SORCS3: variants seen among roughly 807,000 people sequenced by gnomAD.
The protein encoded by SORCS3 is sortilin related VPS10 domain containing receptor 3, also known as VPS10 domain-containing receptor SorCS3.
SORCS3 carries 57 observed loss-of-function variants against 146.3 expected under a neutral mutation model. That is an observed-to-expected ratio of 0.39 (90% CI 0.31 to 0.49). SORCS3 has a LOEUF of 0.49. Among genes scored for constraint, SORCS3 ranks in the 20% least tolerant of loss-of-function variants. The pLI, the probability that SORCS3 is intolerant of heterozygous loss-of-function variation, is 0.92. For synonymous variants in SORCS3, 653 were observed against 618.5 expected (o/e 1.06, Z -0.83); for missense variants, 1,341 against 1,575.5 (o/e 0.85, Z 2.52).
intron 1 of SORCS3, among the ~76,000 whole-genome samples, chr10:104,840,451 A>G: frequency 6.6e-6 from 1 of 152,062 alleles, no homozygotes; most frequent in East Asian, 1.9e-4. Flanking sequence ...CCACCACAGC[A>G]CCTATCAGTC....
chr10:104,873,572 A>G (rs2133569598), intron 2 of SORCS3, among the ~76,000 whole-genome samples: 1 of 152,322 alleles, frequency 6.6e-6, no homozygotes, highest in African/African-American at 2.4e-5. Flanking sequence ...GGGGCAGAGC[A>G]CCAGCATTCT....
chr10:104,832,218 C>T (rs1237961849), intron 1 of SORCS3, among the ~76,000 whole-genome samples: 2 of 152,148 alleles, frequency 1.3e-5, no homozygotes, highest in Non-Finnish European at 2.9e-5. Context: ...ACAATAGGGG[C>T]ACTTGAAATT....
intron 1 of SORCS3, among the ~76,000 whole-genome samples, chr10:104,667,149 C>T (rs1397673600): frequency 6.6e-6 from 1 of 152,138 alleles, no homozygotes. Context: ...ATAGGAACTA[C>T]TTATGTTTGT....
At chr10:105,089,952 C>T in intron 6 of SORCS3, 113 bp downstream of exon 6, 2 of 768,228 alleles carry the variant, frequency 2.6e-6, no homozygotes, top group East Asian at 2.7e-5. Context: ...AGCTCCATTA[C>T]AGCCACATCC....
At chr10:104,934,386 C>T (rs1441861667) in intron 3 of SORCS3, among the ~76,000 whole-genome samples, 1 of 152,142 alleles carries the variant, frequency 6.6e-6, no homozygotes, top group African/African-American at 2.4e-5. Flanking sequence ...GCTTTATGGA[C>T]TGCAAAGGTA....
At chr10:104,684,422 C>T (rs1035506547) in intron 1 of SORCS3, among the ~76,000 whole-genome samples, 2 of 152,218 alleles carry the variant, frequency 1.3e-5, no homozygotes, top group African/African-American at 4.8e-5. Flanking sequence ...CCCATTCATT[C>T]ATTCAGTTAA....
At chr10:104,801,608 C>A (rs1397731311) in intron 1 of SORCS3, among the ~76,000 whole-genome samples, 1 of 152,120 alleles carries the variant, frequency 6.6e-6, no homozygotes, top group Non-Finnish European at 1.5e-5. Context: ...TGATGCATTG[C>A]GGTTCAGTGT....
intron 8 of SORCS3, among the ~76,000 whole-genome samples, chr10:105,145,780 T>C (rs562561711): frequency 3.2e-4 from 48 of 152,148 alleles, no homozygotes; most frequent in Non-Finnish European, 6.3e-4. Context: ...AGTGAGGTCT[T>C]AGTCAAGGTG....
intron 2 of SORCS3, among the ~76,000 whole-genome samples, chr10:104,907,035 T>G (rs1953950): frequency 0.12 from 17,905 of 152,134 alleles, 1,135 homozygotes; most frequent in South Asian, 0.25. Context: ...GGATATACTG[T>G]GTGTGTGTAA....
chr10:104,990,008 T>G (rs2054984156), intron 4 of SORCS3, among the ~76,000 whole-genome samples: 1 of 152,196 alleles, frequency 6.6e-6, no homozygotes, highest in African/African-American at 2.4e-5. Context: ...CTATACCCAC[T>G]AGATATTTCT....
chr10:104,996,823 T>G (rs571283500), intron 4 of SORCS3, among the ~76,000 whole-genome samples: 1 of 151,602 alleles, frequency 6.6e-6, no homozygotes, highest in Non-Finnish European at 1.5e-5. Flanking sequence ...AAAAAAAAAT[T>G]TTTACTACCA....
chr10:104,845,845 A>C (rs554437067), intron 2 of SORCS3, among the ~76,000 whole-genome samples: 1 of 152,170 alleles, frequency 6.6e-6, no homozygotes, highest in African/African-American at 2.4e-5. Context: ...AAATGTCCCT[A>C]CCACAGGGCA....
chr10:105,090,997 T>G (rs779113771), intron 6 of SORCS3, among the ~76,000 whole-genome samples: 1 of 152,148 alleles, frequency 6.6e-6, no homozygotes, highest in Non-Finnish European at 1.5e-5. Context: ...TTTTATATGA[T>G]TTATTTTTAT....
At chr10:104,777,811 A>G (rs900058784) in intron 1 of SORCS3, among the ~76,000 whole-genome samples, 1 of 152,198 alleles carries the variant, frequency 6.6e-6, no homozygotes, top group African/African-American at 2.4e-5. Context: ...GGGTACTGAT[A>G]TCATTTTAAG....
intron 16 of SORCS3, among the ~76,000 whole-genome samples, chr10:105,209,428 C>A (rs1273208129): frequency 3.3e-5 from 5 of 152,188 alleles, no homozygotes; most frequent in African/African-American, 4.8e-5. Flanking sequence ...CAGGTGTGAA[C>A]CACTGTGCCC....
chr10:105,173,953 C>T (rs1026993176), intron 13 of SORCS3, among the ~76,000 whole-genome samples: 1 of 152,192 alleles, frequency 6.6e-6, no homozygotes, highest in Non-Finnish European at 1.5e-5. Flanking sequence ...TGTTTGGTGA[C>T]TATCAAATCA....
At chr10:104,714,828 T>C (rs145973072) in intron 1 of SORCS3, among the ~76,000 whole-genome samples, 1 of 152,324 alleles carries the variant, frequency 6.6e-6, no homozygotes, top group East Asian at 1.9e-4. Context: ...CAATGCTGCC[T>C]TCCCAGTAGG....
intron 1 of SORCS3, among the ~76,000 whole-genome samples, chr10:104,794,622 G>GGAGGGAGGGAGAGAGAGAGAGAGAGAGA (rs1481811209): frequency 1.2e-4 from 5 of 41,406 alleles, no homozygotes; most frequent in African/African-American, 3.3e-4. Flanking sequence ...AGAGAGGGAG[G>GGAGGGAGGGAGAGAGAGAGAGAGAGAGA]GAGAGAGAGA....
chr10:105,038,379 C>A (rs1454460181), intron 4 of SORCS3, among the ~76,000 whole-genome samples: 1 of 152,184 alleles, frequency 6.6e-6, no homozygotes, highest in African/African-American at 2.4e-5. Flanking sequence ...GGATTCAACA[C>A]TAACTGTGAT....
Sources: allele counts gnomAD v4.1 joint callset (sites outside exome capture counted in the v4.1 genomes callset), GRCh38; gene constraint gnomAD v4.1.1; transcripts MANE v1.5; gene names NCBI Gene and HGNC (gene_info 2026-07-23, HGNC 2026-07-21).